TBC1D5: variants seen among roughly 807,000 people sequenced by gnomAD.
The protein encoded by TBC1D5 is TBC1 domain family member 5, also known as TBC1 domain family, member 5.
In TBC1D5, 75 loss-of-function variants were observed where a neutral mutation model predicts 100.3. The observed-to-expected ratio is 0.75, with a 90% confidence interval of 0.62 to 0.91. TBC1D5 has a LOEUF of 0.91. Among genes scored for constraint, TBC1D5 ranks in the 40% least tolerant of loss-of-function variants. The pLI, the probability that TBC1D5 is intolerant of heterozygous loss-of-function variation, is 0.00. For synonymous variants in TBC1D5, 323 were observed against 325.6 expected, an observed-to-expected ratio of 0.99 and a Z score of 0.09; for missense variants, 910 against 942.4, an observed-to-expected ratio of 0.97 and a Z score of 0.45.
intron 1 of TBC1D5, among the ~76,000 whole-genome samples, chr3:17,678,884 A>G (rs909804738): frequency 2.0e-5 from 3 of 151,120 alleles, no homozygotes; most frequent in Non-Finnish European, 4.4e-5. Context: ...GGAAAAAAAA[A>G]GTGGTGGACA....
chr3:17,547,138 C>A (rs551264569), intron 2 of TBC1D5: 2 of 152,144 alleles, frequency 1.3e-5, no homozygotes, highest in African/African-American at 4.8e-5. Flanking sequence ...GTAATTGATA[C>A]AAGGGAACAT....
intron 14 of TBC1D5, among the ~76,000 whole-genome samples, chr3:17,296,832 T>C (rs184367548): frequency 5.9e-5 from 9 of 152,350 alleles, no homozygotes; most frequent in Admixed American, 5.9e-4. Flanking sequence ...CTAGCAGATT[T>C]TGTGCAGAAT....
rs146047048 is a variant in TBC1D5, at chr3:17,210,042, A to T, written c.1752+4165T>A. Among the ~76,000 whole-genome samples, 116 of 152,226 alleles carry T rather than the reference A, an allele frequency of 7.6e-4. 2 individuals carry two copies. In the East Asian group the frequency reaches 0.012, roughly 15 times the overall value. ...CCTTAGTTTATGTCCTCATTTTTGT[A>T]CAGCATATCCTCCAGTGGATTCCCA... On this transcript the variant is annotated intron_variant, in intron 18 of 21. Transcript: ENST00000253692.
chr3:17,741,673 G>A (rs1485606161), upstream of TBC1D5, among the ~76,000 whole-genome samples: 1 of 152,090 alleles, frequency 6.6e-6, no homozygotes, highest in African/African-American at 2.4e-5. Flanking sequence ...TATAATTCCT[G>A]TAACTAAAAC....
At chr3:17,219,408 T>C (rs1372441294) in intron 17 of TBC1D5, among the ~76,000 whole-genome samples, 4 of 151,898 alleles carry the variant, frequency 2.6e-5, no homozygotes, top group Admixed American at 2.6e-4. Context: ...GTAAGTTTAA[T>C]GTCCAGGCTT....
At chr3:17,432,974 C>A (rs1312289010) in intron 3 of TBC1D5, among the ~76,000 whole-genome samples, 1 of 152,176 alleles carries the variant, frequency 6.6e-6, no homozygotes, top group Non-Finnish European at 1.5e-5. Flanking sequence ...AAAATGAACA[C>A]TGAATCAAGA....
intron 2 of TBC1D5, among the ~76,000 whole-genome samples, chr3:17,522,530 A>G (rs2096074397): frequency 6.6e-6 from 1 of 152,158 alleles, no homozygotes; most frequent in African/African-American, 2.4e-5. Flanking sequence ...ATTGTCAAAG[A>G]ATGTTTCAAG....
At chr3:17,274,728 C>T (rs766457523) in intron 15 of TBC1D5, among the ~76,000 whole-genome samples, 3 of 152,166 alleles carry the variant, frequency 2.0e-5, no homozygotes, top group Non-Finnish European at 4.4e-5. Flanking sequence ...ATCTGAAATA[C>T]TCTCTATTTT....
chr3:17,238,146 C>A lies in TBC1D5; in HGVS notation c.1588+17G>T. 1 of 1,607,320 alleles carries A rather than the reference C, an allele frequency of 6.2e-7. No homozygotes were observed. Among genetic ancestry groups the A allele is most frequent in the Non-Finnish European group, 8.5e-7 (1 of 1,176,298 alleles). ...ACCATGAATGTTTTCTTTAGATTTA[C>A]TAGTATTTTTTCCTACCTTTGTTCA... On this transcript the variant is annotated intron_variant, in intron 17 of 21. Transcript: ENST00000253692.
At chr3:17,520,353 G>C (rs1448463900) in intron 2 of TBC1D5, among the ~76,000 whole-genome samples, 2 of 152,072 alleles carry the variant, frequency 1.3e-5, no homozygotes, top group Non-Finnish European at 2.9e-5. Context: ...AAAGATAAGA[G>C]GAAGAGAAAT....
intron 17 of TBC1D5, among the ~76,000 whole-genome samples, chr3:17,235,973 A>T (rs959034691): frequency 5.3e-5 from 8 of 152,118 alleles, no homozygotes; most frequent in African/African-American, 1.9e-4. Context: ...GGGTTGCCAA[A>T]CAAGGCTACT....
At chr3:17,262,789 AT>A (rs952510580) in intron 15 of TBC1D5, among the ~76,000 whole-genome samples, 11 of 149,568 alleles carry the variant, frequency 7.4e-5, no homozygotes, top group African/African-American at 2.2e-4. Context: ...CCGACAATGT[AT>A]TTTTTTTTTA....
intron 14 of TBC1D5, among the ~76,000 whole-genome samples, chr3:17,298,666 G>A (rs995912953): frequency 2.0e-5 from 3 of 152,054 alleles, no homozygotes; most frequent in African/African-American, 4.8e-5. Context: ...AATCTGTATT[G>A]TATCTAGAAA....
At chr3:17,165,153 T>TA (rs1256699651) in intron 21 of TBC1D5, among the ~76,000 whole-genome samples, 1 of 152,180 alleles carries the variant, frequency 6.6e-6, no homozygotes, top group Non-Finnish European at 1.5e-5. Context: ...ATCTCATGGC[T>TA]AGCTTATCTT....
chr3:17,446,280 C>A (rs952540072), intron 3 of TBC1D5, among the ~76,000 whole-genome samples: 4 of 152,030 alleles, frequency 2.6e-5, no homozygotes, highest in Non-Finnish European at 5.9e-5. Context: ...AGAAACAAAT[C>A]CTATTGATGA....
At chr3:17,571,403 A>C (rs1324369785) in intron 2 of TBC1D5, among the ~76,000 whole-genome samples, 2 of 151,980 alleles carry the variant, frequency 1.3e-5, no homozygotes, top group African/African-American at 2.4e-5. Flanking sequence ...TATTAATCTT[A>C]AACTAATATA....
intron 1 of TBC1D5, among the ~76,000 whole-genome samples, chr3:17,650,823 G>T (rs1577235182): frequency 2.0e-5 from 3 of 152,294 alleles, no homozygotes; most frequent in East Asian, 3.9e-4. Flanking sequence ...CTAAAACAGT[G>T]ACTTTGGGTA....
chr3:17,538,384 G>A (rs2096307604), intron 2 of TBC1D5, among the ~76,000 whole-genome samples: 1 of 152,072 alleles, frequency 6.6e-6, no homozygotes, highest in Admixed American at 6.5e-5. Context: ...ACAGGTAAGG[G>A]AAAAACTCCT....
chr3:17,442,792 G>C (rs906790691), intron 3 of TBC1D5, among the ~76,000 whole-genome samples: 14 of 152,162 alleles, frequency 9.2e-5, no homozygotes, highest in African/African-American at 3.4e-4. Context: ...TCCACCCACA[G>C]AAAGTGAGTC....
Sources: allele counts gnomAD v4.1 joint callset (sites outside exome capture counted in the v4.1 genomes callset), GRCh38; gene constraint gnomAD v4.1.1; transcripts MANE v1.5; gene names NCBI Gene and HGNC (gene_info 2026-07-23, HGNC 2026-07-21).